Variants in CDH23 observed in about 807,000 individuals in gnomAD.
The protein encoded by CDH23 is cadherin-23.
A neutral mutation model predicts 317.1 loss-of-function variants in CDH23; 189 were observed. That is an observed-to-expected ratio of 0.60 (90% CI 0.53 to 0.67). The LOEUF is 0.67. Ranked by LOEUF, CDH23 falls within the 30% of genes least tolerant of loss-of-function variation. The pLI is 0.00. For missense variants in CDH23, 4,401 were observed against 4,592.4 expected (o/e 0.96, Z 1.20); for synonymous variants, 1,839 against 1,876.8 (o/e 0.98, Z 0.52).
At chr10:71,398,273 C>T (rs923240023) in intron 1 of CDH23, among the ~76,000 whole-genome samples, 2 of 152,244 alleles carry the variant, frequency 1.3e-5, no homozygotes, top group African/African-American at 2.4e-5. Flanking sequence ...AATACTCCCC[C>T]ATCCTCCCTA....
chr10:71,815,108 A>C lies in CDH23; in HGVS notation c.9895A>C (p.Ser3299Arg). ...CACGCTGCTGGCCACCGACCTCAAC[A>C]GCCTGCCCGAGGAAGACCAGAAGGG... ...TGTLLATDLNSLPEEDQKGLG... is the reference protein window; with the variant it reads ...TGTLLATDLNRLPEEDQKGLG... The change falls in exon 70 of 70, where the codon AGC becomes CGC. Residue 3299 changes from serine to arginine, a missense_variant. Transcript: ENST00000224721. The C allele has an allele frequency of 6.2e-7, 1 of 1,611,290 alleles. No homozygotes were observed. Among genetic ancestry groups the C allele is most frequent in the South Asian group, 1.1e-5 (1 of 90,740 alleles).
At chr10:71,569,958 A>T (rs1025090979) in intron 7 of CDH23, among the ~76,000 whole-genome samples, 1 of 152,068 alleles carries the variant, frequency 6.6e-6, no homozygotes, top group Non-Finnish European at 1.5e-5. Context: ...GGCTATTCAC[A>T]GGTGCAATCT....
intron 38 of CDH23, chr10:71,761,524 T>C (rs1279456189): frequency 2.1e-5 from 31 of 1,446,650 alleles, no homozygotes; most frequent in Non-Finnish European, 2.5e-5. Flanking sequence ...CCCAGCACAG[T>C]GTCATGAATG....
At position 71,677,652 on chromosome 10, in the gene CDH23, C is replaced by A. The variant is rs759472033; in HGVS notation, c.1711C>A (p.Arg571=). The change falls in exon 16 of 70, where the codon CGG becomes AGG. Residue 571 remains arginine (R), a synonymous_variant. Transcript: ENST00000224721. ...GAAGGATGCCTACGTGGGTGCTCTG[C>A]GGGAGAACGAGCCTTCTGTCACACA... The part of the protein sequence containing the change: ...FQKDAYVGAL[R]ENEPSVTQLV... 2.5e-6 allele frequency: 4 copies of A among 1,579,866 alleles called. No individual in the cohort carries two copies. The highest frequency in any genetic ancestry group is 2.7e-5 in the African/African-American group (2 of 74,178).
Position 71,706,929 on chromosome 10 carries a change from T to C in CDH23, c.2986T>C (p.Phe996Leu), listed in dbSNP as rs1329600687. 21 of 1,605,584 alleles carry C rather than the reference T, an allele frequency of 1.3e-5. No homozygotes were observed. Among genetic ancestry groups the C allele is most frequent in the Non-Finnish European group, 1.8e-5 (21 of 1,176,542 alleles). Residue 996 changes from phenylalanine (F) to leucine (L), a missense_variant, in exon 26 of 70, where the codon TTC becomes CTC. Transcript: ENST00000224721. ...LDVNDETPTFFPAVYNVSVSE... is the reference protein window; with the variant it reads ...LDVNDETPTFLPAVYNVSVSE... ...TGTGAACGACGAGACGCCCACCTTC[T>C]TCCCGGCCGTGTACAATGTGTCTGT...
intron 9 of CDH23, among the ~76,000 whole-genome samples, chr10:71,586,527 AACTC>A (rs949383634): frequency 2.0e-5 from 3 of 151,962 alleles, no homozygotes; most frequent in African/African-American, 7.3e-5. Flanking sequence ...ATGCCTGTGA[AACTC>A]ACCAGCTCAC....
At chr10:71,741,963 G>A in intron 38 of CDH23, 42 bp downstream of exon 38, 1 of 1,474,074 alleles carries the variant, frequency 6.8e-7, no homozygotes, top group Non-Finnish European at 9.2e-7. Context: ...GGGTGGGCCA[G>A]GGCAGCTCCG....
At chr10:71,507,470 T>A (rs1004612439) in intron 3 of CDH23, among the ~76,000 whole-genome samples, 3 of 152,186 alleles carry the variant, frequency 2.0e-5, no homozygotes, top group African/African-American at 7.2e-5. Context: ...GGTGGGCAGA[T>A]CACTTGGGGT....
At chr10:71,572,314 C>T (rs371130730) in intron 8 of CDH23, among the ~76,000 whole-genome samples, 6 of 152,280 alleles carry the variant, frequency 3.9e-5, no homozygotes, top group South Asian at 4.1e-4. Flanking sequence ...TTTGCCAGGC[C>T]GATACCTTCT....
At chr10:71,741,506 C>G (rs1457754525) in intron 37 of CDH23, among the ~76,000 whole-genome samples, 188 bp from the exon 38 acceptor site, 1 of 152,176 alleles carries the variant, frequency 6.6e-6, no homozygotes, top group Non-Finnish European at 1.5e-5. Flanking sequence ...TAATGCAGGC[C>G]CCAGCATATC....
chr10:71,806,085 C>G (rs1020589767), intron 56 of CDH23, 83 bp from the exon 57 acceptor site: 12 of 1,531,992 alleles, frequency 7.8e-6, no homozygotes, highest in Admixed American at 2.0e-5. Flanking sequence ...CTGGAAAGTC[C>G]CTAGGGGAAC....
chr10:71,561,336 T>A (rs995324391), intron 6 of CDH23, among the ~76,000 whole-genome samples: 1 of 151,786 alleles, frequency 6.6e-6, no homozygotes, highest in Non-Finnish European at 1.5e-5. Flanking sequence ...TTTACTGCTC[T>A]CTCTGTCTGG....
chr10:71,739,739 G>C lies in CDH23; in HGVS notation c.4455G>C (p.Leu1485=), dbSNP rs753081348. ...SIGEVFVARP[L]DREELDHYIL... is the part of the protein sequence containing the mutation. ...GCGAAGTGTTTGTGGCCAGGCCCCT[G>C]GACAGAGAAGAGCTGGATCACTACA... Residue 1485 remains leucine (L), a synonymous_variant, in exon 36 of 70, where the codon CTG becomes CTC. Transcript: ENST00000224721. 1.2e-6 allele frequency: 2 copies of C among 1,612,930 alleles called. No homozygotes were observed. Among genetic ancestry groups the C allele is most frequent in the East Asian group, 4.5e-5 (2 of 44,882 alleles).
intron 11 of CDH23, among the ~76,000 whole-genome samples, chr10:71,629,394 C>T (rs371822405): frequency 6.6e-6 from 1 of 152,134 alleles, no homozygotes; most frequent in African/African-American, 2.4e-5. Flanking sequence ...GGCAGAAGAA[C>T]GTTCAGGCAG....
chr10:71,759,704 C>T (rs1589402693), intron 38 of CDH23, among the ~76,000 whole-genome samples: 2 of 151,390 alleles, frequency 1.3e-5, no homozygotes, highest in South Asian at 2.1e-4. Flanking sequence ...CCTAGCTACT[C>T]GGGAGGCTGA....
intron 8 of CDH23, among the ~76,000 whole-genome samples, chr10:71,573,908 T>C (rs910411883): frequency 3.9e-5 from 6 of 152,210 alleles, no homozygotes; most frequent in African/African-American, 1.4e-4. Context: ...TTCCCTCGCC[T>C]CTTGCAGAGC....
Position 71,790,272 on chromosome 10 carries a change from T to A in CDH23, c.5924-16T>A, listed in dbSNP as rs1841211393. On this transcript the variant is annotated splice_polypyrimidine_tract_variant and intron_variant, in intron 45 of 69. Transcript: ENST00000224721. The stretch of plus-strand genomic sequence containing the variant: ...GCTGGGTTGGTCTTGTGGTGACCCC[T>A]CTCCTTCTGGCCCAGGCACCCCTCT... 1 of 1,613,184 alleles carries A rather than the reference T, an allele frequency of 6.2e-7. No individual in the cohort carries two copies. Among genetic ancestry groups the A allele is most frequent in the Admixed American group, 1.7e-5 (1 of 59,996 alleles).
chr10:71,662,527 A>G (rs1625975), intron 14 of CDH23, among the ~76,000 whole-genome samples: 141,676 of 152,202 alleles, frequency 0.93, 66,031 homozygotes, highest in East Asian at 1. Flanking sequence ...AGGAGGCGTC[A>G]TTACCAGCCC....
chr10:71,534,846 T>C (rs1023580395), intron 6 of CDH23, among the ~76,000 whole-genome samples: 2 of 152,050 alleles, frequency 1.3e-5, no homozygotes, highest in Non-Finnish European at 1.5e-5. Flanking sequence ...TGTGGGGATC[T>C]GTGGGATTCA....
Sources: gnomAD v4.1 joint callset for allele counts (sites outside exome capture counted in the v4.1 genomes callset) on GRCh38, gnomAD v4.1.1 for gene constraint, MANE v1.5 for transcripts, NCBI Gene and HGNC (gene_info 2026-07-23, HGNC 2026-07-21) for gene names.